The following ARHGAP22 variants were observed in gnomAD, a reference collection of about 807,000 sequenced individuals.
The protein encoded by ARHGAP22 is rho GTPase-activating protein 22.
A neutral mutation model predicts 59.1 loss-of-function variants in ARHGAP22; 48 were observed. That is an observed-to-expected ratio of 0.81 (90% CI 0.64 to 1.03). The LOEUF (loss-of-function observed/expected upper bound fraction) is 1.03. ARHGAP22 is among the 50% of genes least tolerant of loss of function. The pLI is 0.00. For missense variants in ARHGAP22, 1,015 were observed against 958.7 expected (o/e 1.06, Z -0.78); for synonymous variants, 445 against 416.4 (o/e 1.07, Z -0.84).
intron 1 of ARHGAP22, among the ~76,000 whole-genome samples, chr10:48,594,086 GAT>G (rs1237291229): frequency 6.6e-6 from 1 of 152,210 alleles, no homozygotes; most frequent in Non-Finnish European, 1.5e-5. Context: ...ATCATTATTT[GAT>G]ACATGCTTAT....
chr10:48,553,230 ACCCGT>A (rs920864999), intron 3 of ARHGAP22, among the ~76,000 whole-genome samples: 30 of 152,298 alleles, frequency 2.0e-4, no homozygotes, highest in African/African-American at 7.0e-4. Flanking sequence ...ACCGCCCACC[ACCCGT>A]CCCGCTCTCC....
intron 1 of ARHGAP22, among the ~76,000 whole-genome samples, chr10:48,618,038 T>C (rs1358828922): frequency 6.6e-6 from 1 of 151,820 alleles, no homozygotes; most frequent in Admixed American, 6.6e-5. Context: ...AAATGATCAT[T>C]AGAGATTAAT....
rs146338777 is a variant in ARHGAP22 at position 48,639,165 on chromosome 10, C to G, written c.52+13069G>C. ...CAGGGTGGGGCATTGTCATGGGGAG[C>G]AGCAATTTTGCGCATGCAGTCCAAA... On this transcript the variant is annotated intron_variant, in intron 1 of 9. Transcript: ENST00000435790. Among the ~76,000 whole-genome samples the G allele has an allele frequency of 7.3e-3, 1,110 of 152,324 alleles. 14 individuals carry two copies. The highest frequency in any genetic ancestry group is 0.025 in the African/African-American group (1,059 of 41,560).
At chr10:48,655,011 TTTC>T (rs2062729553), upstream of ARHGAP22, among the ~76,000 whole-genome samples, 1 of 65,690 alleles carries the variant, frequency 1.5e-5, no homozygotes, top group Non-Finnish European at 3.2e-5. Flanking sequence ...TTTCTTTCTC[TTTC>T]TTTCTTTCTT....
chr10:48,495,784 C>T (rs981610662), intron 3 of ARHGAP22, among the ~76,000 whole-genome samples: 2 of 152,272 alleles, frequency 1.3e-5, no homozygotes, highest in African/African-American at 4.8e-5. Flanking sequence ...TGGCTTCCCT[C>T]TCACATTCCC....
chr10:48,511,234 C>T (rs374096047), intron 3 of ARHGAP22, among the ~76,000 whole-genome samples: 1 of 152,266 alleles, frequency 6.6e-6, no homozygotes, highest in African/African-American at 2.4e-5. Flanking sequence ...TGCACAAGTC[C>T]TGCTCTCGGT....
chr10:48,458,624 A>G (rs1743618882), intron 5 of ARHGAP22, among the ~76,000 whole-genome samples: 1 of 152,180 alleles, frequency 6.6e-6, no homozygotes, highest in South Asian at 2.1e-4. Flanking sequence ...GGGAGCTTCC[A>G]AAAGTCTCGG....
chr10:48,495,015 C>A (rs2050774981), intron 3 of ARHGAP22, among the ~76,000 whole-genome samples: 1 of 152,210 alleles, frequency 6.6e-6, no homozygotes, highest in Non-Finnish European at 1.5e-5. Context: ...GCCCTCCCAC[C>A]CAATTAGTCT....
intron 1 of ARHGAP22, among the ~76,000 whole-genome samples, chr10:48,603,417 A>G (rs562021137): frequency 6.6e-6 from 1 of 152,360 alleles, no homozygotes; most frequent in African/African-American, 2.4e-5. Context: ...ATTTAACCCA[A>G]TATATCCAAA....
At chr10:48,603,367 G>T (rs2060496261) in intron 1 of ARHGAP22, among the ~76,000 whole-genome samples, 2 of 152,184 alleles carry the variant, frequency 1.3e-5, no homozygotes, top group Admixed American at 6.5e-5. Flanking sequence ...TATAGTAAAA[G>T]AATGTAAAAC....
At chr10:48,441,320 AGTG>A (rs2045196993), downstream of ARHGAP22, among the ~76,000 whole-genome samples, 9 of 152,136 alleles carry the variant, frequency 5.9e-5, no homozygotes, top group Non-Finnish European at 1.3e-4. Context: ...AGTTCAAGTG[AGTG>A]GAGAAGCAGG....
chr10:48,489,675 G>A (rs2050175084), intron 3 of ARHGAP22, among the ~76,000 whole-genome samples: 1 of 151,516 alleles, frequency 6.6e-6, no homozygotes, highest in South Asian at 2.1e-4. Flanking sequence ...TTGTCTGTGT[G>A]GCCACTGTGT....
In ARHGAP22 at chr10:48,507,250, C is replaced by T. The variant is rs370110476; in HGVS notation, c.323-27486G>A. Among the ~76,000 whole-genome samples the T allele has an allele frequency of 1.2e-4, 19 of 152,292 alleles. No individual in the cohort carries two copies. The East Asian group carries it at 2.5e-3, about 20-fold the overall frequency. On this transcript the variant is annotated intron_variant, in intron 3 of 9. Transcript: ENST00000249601. ...CTCATCCATCTAGAGTCCAAGGACA[C>T]GCAAAACAATGATTGGGAAAGGCCA...
At chr10:48,617,518 C>A (rs1252690387) in intron 1 of ARHGAP22, among the ~76,000 whole-genome samples, 1 of 151,934 alleles carries the variant, frequency 6.6e-6, no homozygotes, top group African/African-American at 2.4e-5. Context: ...CTGATCACAT[C>A]AGAATAAAGC....
downstream of ARHGAP22, among the ~76,000 whole-genome samples, chr10:48,442,163 C>G (rs2045218091): frequency 6.6e-6 from 1 of 152,214 alleles, no homozygotes; most frequent in African/African-American, 2.4e-5. Context: ...GTGCCAAATA[C>G]CCACATAGCA....
intron 1 of ARHGAP22, among the ~76,000 whole-genome samples, chr10:48,642,724 C>T (rs1235999437): frequency 6.6e-6 from 1 of 152,114 alleles, no homozygotes; most frequent in Admixed American, 6.6e-5. Flanking sequence ...CAACAAAAGC[C>T]AAAATTGACA....
the ARHGAP22 span, chr10:48,435,050 T>TGGG: frequency 3.4e-6 from 1 of 293,708 alleles, no homozygotes; most frequent in Non-Finnish European, 6.7e-6. Context: ...CATCGGGGGG[T>TGGG]GGGAGGGATG....
intron 1 of ARHGAP22, among the ~76,000 whole-genome samples, chr10:48,629,807 A>C (rs2061569179): frequency 6.6e-6 from 1 of 152,212 alleles, no homozygotes; most frequent in Non-Finnish European, 1.5e-5. Context: ...ACATTTAAAT[A>C]ATATGGAGTC....
chr10:48,440,583 A>G, the ARHGAP22 span, among the ~76,000 whole-genome samples: 1 of 152,166 alleles, frequency 6.6e-6, no homozygotes, highest in African/African-American at 2.4e-5. Context: ...AAGTGAGTGC[A>G]TGGGCAAGCA....
Sources: allele counts gnomAD v4.1 joint callset (sites outside exome capture counted in the v4.1 genomes callset), GRCh38; gene constraint gnomAD v4.1.1; transcripts MANE v1.5; gene names NCBI Gene and HGNC (gene_info 2026-07-23, HGNC 2026-07-21).